KCNJ6: variants seen among roughly 807,000 people sequenced by gnomAD.
KCNJ6 encodes the protein G protein-activated inward rectifier potassium channel 2.
Under a neutral mutation model 34.2 loss-of-function variants are expected in KCNJ6, and 9 were observed. The ratio of observed to expected loss-of-function variants is 0.26; its 90% CI spans 0.16 to 0.46. The LOEUF is 0.46. KCNJ6 is among the 20% of genes least tolerant of loss of function. The pLI is 1.00. For missense variants in KCNJ6, 236 were observed against 531.3 expected (o/e 0.44, Z 5.46); for synonymous variants, 196 against 207.1 (o/e 0.95, Z 0.46).
chr21:37,751,903 G>A (rs1677232341), intron 2 of KCNJ6, among the ~76,000 whole-genome samples: 1 of 152,132 alleles, frequency 6.6e-6, no homozygotes, highest in South Asian at 2.1e-4. Flanking sequence ...ATGCATTCTT[G>A]ATAAGTGATT....
intron 3 of KCNJ6, among the ~76,000 whole-genome samples, chr21:37,629,632 G>T (rs1401764130): frequency 6.6e-6 from 1 of 152,008 alleles, no homozygotes; most frequent in Non-Finnish European, 1.5e-5. Context: ...CAAGGAGAGG[G>T]GTCTCAGAAG....
At chr21:37,768,405 A>G (rs2055101489) in intron 2 of KCNJ6, among the ~76,000 whole-genome samples, 1 of 152,248 alleles carries the variant, frequency 6.6e-6, no homozygotes. Flanking sequence ...TCACATCTCT[A>G]AAATTTCTGG....
At chr21:37,730,633 A>G (rs1481227025) in intron 2 of KCNJ6, among the ~76,000 whole-genome samples, 1 of 152,202 alleles carries the variant, frequency 6.6e-6, no homozygotes, top group African/African-American at 2.4e-5. Flanking sequence ...AAATCCAGAA[A>G]TAATCTAAGA....
intron 3 of KCNJ6, among the ~76,000 whole-genome samples, chr21:37,661,388 A>C (rs561894056): frequency 6.6e-6 from 1 of 152,290 alleles, no homozygotes; most frequent in Non-Finnish European, 1.5e-5. Context: ...TTTAATAACA[A>C]ATGACTCCAA....
At chr21:37,729,039 G>C (rs1459078166) in intron 2 of KCNJ6, among the ~76,000 whole-genome samples, 1 of 152,188 alleles carries the variant, frequency 6.6e-6, no homozygotes. Flanking sequence ...AGACAGACCA[G>C]AAAGTTTGAA....
At chr21:37,853,863 A>ATATATATATATATATATATATATAT (rs1568872544) in intron 1 of KCNJ6, among the ~76,000 whole-genome samples, 2 of 38,846 alleles carry the variant, frequency 5.1e-5, no homozygotes, top group African/African-American at 2.1e-4. Flanking sequence ...TATATATATA[A>ATATATATATATATATATATATATAT]ATTACATTGT....
chr21:37,668,906 C>A (rs572690159), intron 3 of KCNJ6, among the ~76,000 whole-genome samples: 1 of 152,178 alleles, frequency 6.6e-6, no homozygotes, highest in African/African-American at 2.4e-5. Context: ...AGCTGGCTTT[C>A]GTGATGCAAA....
chr21:37,908,310 T>A (rs193066582), intron 1 of KCNJ6, among the ~76,000 whole-genome samples: 2 of 152,348 alleles, frequency 1.3e-5, no homozygotes, highest in East Asian at 3.9e-4. Flanking sequence ...GGTATGGAAC[T>A]TAGTTTCCAA....
chr21:37,825,806 A>G (rs1409977357), intron 2 of KCNJ6, among the ~76,000 whole-genome samples: 1 of 152,194 alleles, frequency 6.6e-6, no homozygotes, highest in Non-Finnish European at 1.5e-5. Flanking sequence ...TCCTACATTG[A>G]GGCAGGGAGA....
At chr21:37,869,311 C>A (rs1393544669) in intron 1 of KCNJ6, among the ~76,000 whole-genome samples, 1 of 152,360 alleles carries the variant, frequency 6.6e-6, no homozygotes, top group African/African-American at 2.4e-5. Flanking sequence ...AGTTATTGAG[C>A]ACCTACTGTA....
At chr21:37,808,449 C>G (rs897125517) in intron 2 of KCNJ6, among the ~76,000 whole-genome samples, 1 of 152,214 alleles carries the variant, frequency 6.6e-6, no homozygotes, top group African/African-American at 2.4e-5. Context: ...CATCCTACCA[C>G]CTCCTCTCAG....
chr21:37,781,615 G>C (rs2055169946), intron 2 of KCNJ6, among the ~76,000 whole-genome samples: 1 of 152,084 alleles, frequency 6.6e-6, no homozygotes, highest in African/African-American at 2.4e-5. Flanking sequence ...GCTGGTCTAG[G>C]CACTTTATAA....
chr21:37,739,420 G>T (rs1349357402), intron 2 of KCNJ6, among the ~76,000 whole-genome samples: 1 of 152,122 alleles, frequency 6.6e-6, no homozygotes. Context: ...GAAGAAAAGG[G>T]CTGCTTATTA....
chr21:37,880,002 TA>T (rs1234324507), intron 1 of KCNJ6, among the ~76,000 whole-genome samples: 3 of 151,626 alleles, frequency 2.0e-5, no homozygotes, highest in Admixed American at 2.0e-4. Flanking sequence ...GCTCACACTG[TA>T]ATCCCAGCAC....
intron 2 of KCNJ6, among the ~76,000 whole-genome samples, chr21:37,802,313 C>T (rs531528839): frequency 6.6e-6 from 1 of 152,284 alleles, no homozygotes; most frequent in East Asian, 1.9e-4. Flanking sequence ...ACTTCCTAAC[C>T]CCTGGGACCC....
chr21:37,802,682 A>G (rs1272177143), intron 2 of KCNJ6, among the ~76,000 whole-genome samples: 1 of 152,200 alleles, frequency 6.6e-6, no homozygotes, highest in Non-Finnish European at 1.5e-5. Context: ...ATACATTTAT[A>G]TTAGGTTTTT....
intron 3 of KCNJ6, among the ~76,000 whole-genome samples, chr21:37,643,457 C>T (rs190999236): frequency 6.6e-6 from 1 of 152,274 alleles, no homozygotes. Flanking sequence ...ACTGGTCTGG[C>T]CCTGCCTCTA....
At chr21:37,913,633 C>T (rs1029125585) in intron 1 of KCNJ6, among the ~76,000 whole-genome samples, 1 of 152,182 alleles carries the variant, frequency 6.6e-6, no homozygotes, top group Non-Finnish European at 1.5e-5. Context: ...GCCTGACCAA[C>T]ATGGTGAAAC....
At chr21:37,863,084 G>T (rs180717496) in intron 1 of KCNJ6, among the ~76,000 whole-genome samples, 1 of 152,334 alleles carries the variant, frequency 6.6e-6, no homozygotes, top group East Asian at 1.9e-4. Context: ...GATCAATGTA[G>T]TAAAACTGAG....
Sources: gnomAD v4.1 joint callset for allele counts (sites outside exome capture counted in the v4.1 genomes callset) on GRCh38, gnomAD v4.1.1 for gene constraint, MANE v1.5 for transcripts, NCBI Gene and HGNC (gene_info 2026-07-23, HGNC 2026-07-21) for gene names.